The following NCKAP5 variants were observed in gnomAD, a reference collection of about 807,000 sequenced individuals.
NCKAP5 encodes the protein nck-associated protein 5.
NCKAP5 carries 92 observed loss-of-function variants against 167.0 expected under a neutral mutation model. The observed-to-expected ratio is 0.55, with a 90% CI of 0.47 to 0.66. The LOEUF (loss-of-function observed/expected upper bound fraction) is 0.66. NCKAP5 is among the 30% of genes least tolerant of loss of function. The pLI, the probability that NCKAP5 is intolerant of heterozygous loss-of-function variation, is 0.00. For missense variants in NCKAP5, 2,378 were observed against 2,315.0 expected (o/e 1.03, Z -0.56); for synonymous variants, 891 against 877.4 (o/e 1.02, Z -0.27).
intron 5 of NCKAP5, among the ~76,000 whole-genome samples, chr2:133,158,344 C>G (rs565731404): frequency 6.6e-6 from 1 of 152,230 alleles, no homozygotes; most frequent in South Asian, 2.1e-4. Flanking sequence ...TAGGGGAAAT[C>G]CAAGATAATT....
intron 3 of NCKAP5, among the ~76,000 whole-genome samples, chr2:133,380,640 AATG>A (rs1686454791): frequency 6.6e-6 from 1 of 152,200 alleles, no homozygotes; most frequent in Non-Finnish European, 1.5e-5. Context: ...TTGTCTGTAC[AATG>A]ATGAGTGTTG....
intron 7 of NCKAP5, among the ~76,000 whole-genome samples, chr2:132,965,610 T>C (rs1032647254): frequency 6.6e-6 from 1 of 152,140 alleles, no homozygotes; most frequent in Admixed American, 6.5e-5. Flanking sequence ...TATCCACACA[T>C]ACACATACAC....
chr2:133,277,211 C>T (rs564069097), intron 4 of NCKAP5, among the ~76,000 whole-genome samples: 1 of 151,990 alleles, frequency 6.6e-6, no homozygotes, highest in Admixed American at 6.6e-5. Flanking sequence ...CAAATGGAGG[C>T]ATAATAATTG....
At chr2:132,859,325 T>C (rs1294944790) in intron 11 of NCKAP5, among the ~76,000 whole-genome samples, 2 of 152,174 alleles carry the variant, frequency 1.3e-5, no homozygotes, top group Admixed American at 1.3e-4. Flanking sequence ...GTTATTTCTC[T>C]GAGGAGTCCT....
At chr2:132,990,922 T>TTGAA (rs1350426129) in intron 7 of NCKAP5, among the ~76,000 whole-genome samples, 1 of 152,140 alleles carries the variant, frequency 6.6e-6, no homozygotes, top group Non-Finnish European at 1.5e-5. Flanking sequence ...AAACTGGCAT[T>TTGAA]TGAATGAATG....
intron 3 of NCKAP5, among the ~76,000 whole-genome samples, chr2:133,474,801 T>G (rs1003844947): frequency 1.3e-4 from 12 of 90,326 alleles, no homozygotes; most frequent in Admixed American, 5.5e-4. Flanking sequence ...AATTCTAGGG[T>G]TTTTTTTTTG....
chr2:133,047,281 C>T (rs925699948), intron 6 of NCKAP5, among the ~76,000 whole-genome samples: 1 of 152,188 alleles, frequency 6.6e-6, no homozygotes, highest in African/African-American at 2.4e-5. Context: ...TCTGGATAAA[C>T]GAGTCTCAGC....
intron 4 of NCKAP5, among the ~76,000 whole-genome samples, chr2:133,272,806 ATGTTT>A (rs2089572624): frequency 2.6e-5 from 4 of 152,158 alleles, no homozygotes; most frequent in Non-Finnish European, 5.9e-5. Context: ...GAATCATACA[ATGTTT>A]AGCCCTTTCT....
chr2:132,975,350 A>G (rs2076949111), intron 7 of NCKAP5, among the ~76,000 whole-genome samples: 1 of 152,230 alleles, frequency 6.6e-6, no homozygotes, highest in Non-Finnish European at 1.5e-5. Flanking sequence ...GACCACTGAC[A>G]TATCAATCCA....
At chr2:132,723,833 C>T (rs1008840547) in intron 19 of NCKAP5, among the ~76,000 whole-genome samples, 2 of 152,192 alleles carry the variant, frequency 1.3e-5, no homozygotes, top group African/African-American at 2.4e-5. Context: ...CCTGCTTCTT[C>T]AGTTTTCTCA....
chr2:133,526,254 AGG>A (rs1684902477), intron 2 of NCKAP5, among the ~76,000 whole-genome samples: 2 of 59,632 alleles, frequency 3.4e-5, no homozygotes, highest in African/African-American at 6.7e-5. Context: ...GGAAGGAGGG[AGG>A]GAGGGAAGGA....
intron 6 of NCKAP5, among the ~76,000 whole-genome samples, chr2:133,069,868 A>T (rs904643032): frequency 6.7e-6 from 1 of 148,904 alleles, no homozygotes; most frequent in African/African-American, 2.6e-5. Flanking sequence ...TGATTTATTA[A>T]AAATATATAT....
chr2:133,031,224 A>T (rs1383967486), intron 6 of NCKAP5, among the ~76,000 whole-genome samples: 1 of 152,096 alleles, frequency 6.6e-6, no homozygotes, highest in Non-Finnish European at 1.5e-5. Context: ...ATCCTGAATC[A>T]CTGACACCAT....
chr2:133,561,889 G>A (rs1486815293), intron 1 of NCKAP5, among the ~76,000 whole-genome samples: 1 of 152,144 alleles, frequency 6.6e-6, no homozygotes, highest in Non-Finnish European at 1.5e-5. Flanking sequence ...TATTAAAAAT[G>A]AGGCAATAAC....
At chr2:133,130,634 T>C (rs1408960978) in intron 5 of NCKAP5, among the ~76,000 whole-genome samples, 1 of 152,190 alleles carries the variant, frequency 6.6e-6, no homozygotes, top group Non-Finnish European at 1.5e-5. Context: ...TCTTCAGATA[T>C]AAAACTAGGC....
chr2:133,493,124 G>A (rs1312606027), intron 3 of NCKAP5, among the ~76,000 whole-genome samples: 1 of 152,202 alleles, frequency 6.6e-6, no homozygotes, highest in Admixed American at 6.5e-5. Flanking sequence ...AAAATTGGGT[G>A]TAGCTAGGGA....
intron 3 of NCKAP5, among the ~76,000 whole-genome samples, chr2:133,474,055 C>G (rs1679598444): frequency 1.3e-5 from 2 of 152,034 alleles, no homozygotes; most frequent in Non-Finnish European, 2.9e-5. Flanking sequence ...TCCCAACAGA[C>G]AAGATAGGGA....
chr2:133,550,431 G>A (rs1330406796), intron 2 of NCKAP5, among the ~76,000 whole-genome samples: 1 of 151,898 alleles, frequency 6.6e-6, no homozygotes, highest in Non-Finnish European at 1.5e-5. Context: ...TGGGATGCAA[G>A]TCTGGTTCAA....
At chr2:133,244,758 C>T (rs115362850) in intron 4 of NCKAP5, among the ~76,000 whole-genome samples, 1 of 151,966 alleles carries the variant, frequency 6.6e-6, no homozygotes, top group African/African-American at 2.4e-5. Flanking sequence ...GTTGGACACC[C>T]ATATGAAGGA....
Sources: allele counts gnomAD v4.1 joint callset (sites outside exome capture counted in the v4.1 genomes callset), GRCh38; gene constraint gnomAD v4.1.1; transcripts MANE v1.5; gene names NCBI Gene and HGNC (gene_info 2026-07-23, HGNC 2026-07-21).